The following GNA14 variants were observed in gnomAD, a reference collection of about 807,000 sequenced individuals.
GNA14 encodes the protein G protein subunit alpha 14, also known as guanine nucleotide-binding protein subunit alpha-14.
GNA14 carries 50 observed loss-of-function variants against 42.0 expected under a neutral mutation model. That is an observed-to-expected ratio of 1.19 (90% CI 0.95 to 1.51). The LOEUF (loss-of-function observed/expected upper bound fraction) is 1.51, where lower values mean the gene tolerates loss of function less well. Ranked by LOEUF, GNA14 falls within the 40% of genes most tolerant of loss-of-function variation. The pLI, the probability that GNA14 is intolerant of heterozygous loss-of-function variation, is 0.00. For synonymous variants in GNA14, 173 were observed against 163.1 expected, an observed-to-expected ratio of 1.06 and a Z score of -0.46; for missense variants, 473 against 446.2, an observed-to-expected ratio of 1.06 and a Z score of -0.54.
chr9:77,454,345 A>G (rs1835963734), intron 2 of GNA14, among the ~76,000 whole-genome samples: 1 of 152,122 alleles, frequency 6.6e-6, no homozygotes, highest in Non-Finnish European at 1.5e-5. Flanking sequence ...GTGGCCCATT[A>G]TCCATTCTCT....
intron 2 of GNA14, among the ~76,000 whole-genome samples, chr9:77,457,243 AAG>A (rs1213799884): frequency 6.6e-6 from 1 of 152,252 alleles, no homozygotes; most frequent in African/African-American, 2.4e-5. Flanking sequence ...GAGAAAAAGA[AAG>A]AGACTGAGTT....
intron 2 of GNA14, among the ~76,000 whole-genome samples, chr9:77,436,276 G>C (rs928041937): frequency 2.0e-5 from 3 of 152,152 alleles, no homozygotes; most frequent in Non-Finnish European, 2.9e-5. Context: ...TCAGGACCCT[G>C]AGTTCTAAAC....
chr9:77,598,880 GT>G, intron 1 of GNA14, among the ~76,000 whole-genome samples: 2 of 152,238 alleles, frequency 1.3e-5, no homozygotes, highest in South Asian at 4.2e-4. Context: ...TGATTGACCA[GT>G]TCATTCAATA....
At chr9:77,432,329 G>A (rs1261338917) in intron 3 of GNA14, among the ~76,000 whole-genome samples, 2 of 152,150 alleles carry the variant, frequency 1.3e-5, no homozygotes, top group African/African-American at 4.8e-5. Context: ...TTCAGCTCCA[G>A]AAGCAAAGCT....
intron 1 of GNA14, among the ~76,000 whole-genome samples, chr9:77,573,320 G>C (rs1564056827): frequency 6.6e-6 from 1 of 151,940 alleles, no homozygotes; most frequent in Non-Finnish European, 1.5e-5. Flanking sequence ...ATGGTGGCAG[G>C]CACCTGTAAT....
chr9:77,561,042 T>C (rs1001855556), intron 1 of GNA14, among the ~76,000 whole-genome samples: 1 of 152,196 alleles, frequency 6.6e-6, no homozygotes, highest in Admixed American at 6.5e-5. Context: ...TTCTCAAATG[T>C]TTGAACAGTC....
At chr9:77,513,997 G>C (rs1837210780) in intron 2 of GNA14, among the ~76,000 whole-genome samples, 1 of 151,762 alleles carries the variant, frequency 6.6e-6, no homozygotes, top group South Asian at 2.1e-4. Context: ...CAGCTGTCTG[G>C]TGTCTCTGCT....
chr9:77,638,014 ACT>A (rs35902724), intron 1 of GNA14, among the ~76,000 whole-genome samples: 26,790 of 151,864 alleles, frequency 0.18, 2,839 homozygotes, highest in East Asian at 0.28. Context: ...GTAATTAACG[ACT>A]CTCTCTCTGA....
chr9:77,611,814 AG>A (rs1254936596), intron 1 of GNA14, among the ~76,000 whole-genome samples: 11 of 152,302 alleles, frequency 7.2e-5, no homozygotes, highest in Non-Finnish European at 1.2e-4. Flanking sequence ...AAAATGGAAG[AG>A]GCTATTCTGA....
At chr9:77,604,133 G>A (rs1823614457) in intron 1 of GNA14, among the ~76,000 whole-genome samples, 1 of 152,022 alleles carries the variant, frequency 6.6e-6, no homozygotes, top group African/African-American at 2.4e-5. Context: ...CGGCTGAGAT[G>A]CCATTGCTTG....
intron 1 of GNA14, among the ~76,000 whole-genome samples, chr9:77,591,140 C>T (rs114734827): frequency 2.2e-4 from 34 of 152,320 alleles, no homozygotes; most frequent in Admixed American, 8.5e-4. Context: ...ATTTTCAGGA[C>T]GATCACACGC....
chr9:77,432,694 C>T (rs1835576973), intron 3 of GNA14, among the ~76,000 whole-genome samples: 1 of 152,168 alleles, frequency 6.6e-6, no homozygotes, highest in Non-Finnish European at 1.5e-5. Flanking sequence ...GCTCTCACCA[C>T]CCTAGCCACG....
chr9:77,629,114 A>C (rs1282731837), intron 1 of GNA14, among the ~76,000 whole-genome samples: 1 of 152,224 alleles, frequency 6.6e-6, no homozygotes, highest in Non-Finnish European at 1.5e-5. Context: ...TGTGGCCAAC[A>C]AACATGTGAA....
intron 1 of GNA14, among the ~76,000 whole-genome samples, chr9:77,597,037 G>C (rs140029515): frequency 6.8e-4 from 103 of 152,278 alleles, no homozygotes; most frequent in African/African-American, 2.4e-3. Context: ...GACCTCCTGA[G>C]GCTGTGTCAT....
In GNA14 at chr9:77,559,146, C is replaced by A. The variant is rs928955416; in HGVS notation, c.125-29893G>T. 3.9e-5 allele frequency among the ~76,000 whole-genome samples: 6 copies of A among 152,122 alleles called. No individual in the cohort carries two copies. In the South Asian group the frequency reaches 6.2e-4, roughly 16 times the overall value. On this transcript the variant is annotated intron_variant, in intron 1 of 6. Coordinates refer to ENST00000341700, the MANE Select transcript of GNA14 (RefSeq NM_004297.4). The stretch of plus-strand genomic sequence containing the variant: ...TTTCTCTGGATTCTTACCTGTGACA[C>A]CACAAATTTCTTATTACTATTAAGA...
At chr9:77,555,054 G>A in intron 1 of GNA14, among the ~76,000 whole-genome samples, 1 of 152,036 alleles carries the variant, frequency 6.6e-6, no homozygotes, top group East Asian at 1.9e-4. Context: ...ATGAAAATAT[G>A]CACATTTTAG....
intron 1 of GNA14, 105 bp from the exon 2 acceptor site, chr9:77,529,358 G>C (rs1476711929): frequency 8.0e-6 from 7 of 880,480 alleles, no homozygotes; most frequent in South Asian, 1.5e-5. Flanking sequence ...CAATTAATAG[G>C]CTGATGGGTT....
intron 1 of GNA14, among the ~76,000 whole-genome samples, chr9:77,591,748 C>T (rs557591170): frequency 8.1e-4 from 124 of 152,242 alleles, no homozygotes; most frequent in African/African-American, 2.8e-3. Context: ...AAACCTTTAT[C>T]AGCTCTCCAT....
At chr9:77,562,145 GA>G (rs1478464009) in intron 1 of GNA14, among the ~76,000 whole-genome samples, 1 of 152,192 alleles carries the variant, frequency 6.6e-6, no homozygotes, top group East Asian at 1.9e-4. Flanking sequence ...GAGGCCTGAA[GA>G]TATACCAGCC....
Sources: allele counts gnomAD v4.1 joint callset (sites outside exome capture counted in the v4.1 genomes callset), GRCh38; gene constraint gnomAD v4.1.1; transcripts MANE v1.5; gene names NCBI Gene and HGNC (gene_info 2026-07-23, HGNC 2026-07-21).